The following AHCTF1 variants were observed in gnomAD, a reference collection of about 807,000 sequenced individuals.
AHCTF1 encodes protein ELYS.
AHCTF1 carries 24 observed loss-of-function variants against 248.4 expected under a neutral mutation model. The observed-to-expected ratio is 0.10, with a 90% confidence interval of 0.07 to 0.14. AHCTF1 has a LOEUF of 0.14. Among genes scored for constraint, AHCTF1 ranks in the 10% least tolerant of loss-of-function variants. The pLI is 1.00. For missense variants in AHCTF1, 2,206 were observed against 2,636.2 expected (o/e 0.84, Z 3.57); for synonymous variants, 786 against 929.8 (o/e 0.85, Z 2.81).
chr1:246,901,408 G>A (rs187579199), intron 8 of AHCTF1, among the ~76,000 whole-genome samples: 222 of 152,198 alleles, frequency 1.5e-3, no homozygotes, highest in Non-Finnish European at 2.5e-3. Flanking sequence ...AGGCCGAGGC[G>A]GGTGGATCAT....
intron 24 of AHCTF1, among the ~76,000 whole-genome samples, chr1:246,869,046 A>C (rs111986753): frequency 9.9e-5 from 15 of 150,966 alleles, no homozygotes; most frequent in East Asian, 5.8e-4. Flanking sequence ...GGGTTTCACC[A>C]TGTTGGCCAG....
At chr1:246,894,829 C>T in intron 13 of AHCTF1, 81 bp from the exon 14 acceptor site, 1 of 1,183,042 alleles carries the variant, frequency 8.5e-7, no homozygotes, top group Non-Finnish European at 1.2e-6. Context: ...AGAAGCATGG[C>T]AGACAGCACC....
intron 4 of AHCTF1, among the ~76,000 whole-genome samples, chr1:246,912,871 T>C (rs577523820): frequency 9.2e-5 from 14 of 152,320 alleles, no homozygotes; most frequent in Non-Finnish European, 1.2e-4. Context: ...GGTAATTTCA[T>C]ATTGGCTGAT....
chr1:246,931,318 C>G lies in AHCTF1; in HGVS notation c.-8+260G>C, dbSNP rs968686831. On this transcript the variant is annotated intron_variant, in intron 1 of 35. Transcript: ENST00000648844. ...CAGGACGCGAACCACCAGCGCCGCTCCGCCGCCATGTGCCGCCGCTCCTCC... is the reference window on the plus strand; with the variant it reads ...CAGGACGCGAACCACCAGCGCCGCTGCGCCGCCATGTGCCGCCGCTCCTCC... The G allele has an allele frequency of 5.8e-6, 9 of 1,546,576 alleles. No individual in the cohort carries two copies. In the African/African-American group the frequency reaches 1.2e-4, roughly 21 times the overall value.
chr1:246,877,017 T>C lies in AHCTF1; in HGVS notation c.2870A>G (p.His957Arg). Residue 957 changes from histidine (H) to arginine (R), a missense_variant, in exon 23 of 36, where the codon CAC becomes CGC. By Grantham distance (29) the His-to-Arg change is conservative. Around this residue, in one of 6 missense-constraint regions of AHCTF1, gnomAD observed 955 missense variants for 1,055.6 expected, o/e 0.90. Coordinates refer to ENST00000648844, the MANE Select transcript of AHCTF1 (RefSeq NM_001323342.2). ...CACATAATTGGCACGCTGCAAATGGTGCACTAAAAGGAATTCATGATTCTG... is the reference window on the plus strand; with the variant it reads ...CACATAATTGGCACGCTGCAAATGGCGCACTAAAAGGAATTCATGATTCTG... ...SVQNHEFLLV[H>R]HLQRANYVPA... The C allele has an allele frequency of 6.2e-7, 1 of 1,612,172 alleles. No individual in the cohort carries two copies. Among genetic ancestry groups the C allele is most frequent in the Non-Finnish European group, 8.5e-7 (1 of 1,179,966 alleles).
intron 14 of AHCTF1, among the ~76,000 whole-genome samples, chr1:246,894,142 T>C (rs990963290): frequency 1.3e-5 from 2 of 151,994 alleles, no homozygotes; most frequent in Non-Finnish European, 2.9e-5. Flanking sequence ...AAGTCAAGGC[T>C]GCACTGAGCC....
chr1:246,904,065 T>C, intron 6 of AHCTF1, 32 bp from the exon 7 acceptor site: 2 of 1,551,478 alleles, frequency 1.3e-6, no homozygotes, highest in East Asian at 4.5e-5. Context: ...ACACGCTAAA[T>C]ATATTAATAC....
chr1:246,909,551 G>A (rs573283319), intron 4 of AHCTF1, among the ~76,000 whole-genome samples: 3 of 152,172 alleles, frequency 2.0e-5, no homozygotes, highest in Admixed American at 2.0e-4. Context: ...CAGATCAACT[G>A]TCGCAGTATT....
At chr1:246,844,083 G>A (rs1186710721) in intron 33 of AHCTF1, among the ~76,000 whole-genome samples, 155 bp from the exon 34 acceptor site, 1 of 152,190 alleles carries the variant, frequency 6.6e-6, no homozygotes, top group Non-Finnish European at 1.5e-5. Flanking sequence ...ATCCATGTTG[G>A]CAGAGAAACG....
chr1:246,876,814 G>T, intron 23 of AHCTF1, 136 bp downstream of exon 23: 2 of 1,069,144 alleles, frequency 1.9e-6, no homozygotes, highest in Non-Finnish European at 1.3e-6. Context: ...TTACAGAGAT[G>T]AACTGAGGAT....
intron 25 of AHCTF1, 114 bp downstream of exon 25, chr1:246,867,546 CT>C: frequency 1.5e-6 from 2 of 1,353,958 alleles, no homozygotes; most frequent in Non-Finnish European, 1.0e-6. Flanking sequence ...AAGAGTTTTT[CT>C]TTTTTACATA....
chr1:246,900,517 TA>T, intron 8 of AHCTF1, 48 bp from the exon 9 acceptor site: 2 of 1,541,718 alleles, frequency 1.3e-6, no homozygotes, highest in South Asian at 1.2e-5. Context: ...AATCTCAAAG[TA>T]AAATCACCTC....
At chr1:246,927,314 C>G (rs973176759) in intron 1 of AHCTF1, among the ~76,000 whole-genome samples, 14 of 151,950 alleles carry the variant, frequency 9.2e-5, no homozygotes, top group Non-Finnish European at 1.8e-4. Context: ...GGTGAAACCC[C>G]GTCTCTACTA....
chr1:246,891,331 C>G (rs574902460), intron 15 of AHCTF1, among the ~76,000 whole-genome samples: 2 of 152,100 alleles, frequency 1.3e-5, no homozygotes, highest in African/African-American at 4.8e-5. Context: ...ACTTTCACCT[C>G]AGCTACACTT....
At chr1:246,915,603 T>C (rs763417553) in intron 3 of AHCTF1, among the ~76,000 whole-genome samples, 4 of 152,212 alleles carry the variant, frequency 2.6e-5, no homozygotes, top group Non-Finnish European at 4.4e-5. Flanking sequence ...GTATTCACTA[T>C]ATTTATGCTA....
rs542792961 is a variant in AHCTF1 at position 246,867,171 on chromosome 1, A to C, written c.3347+73T>G. ...TAATTTAAAAGTCTATAAAATGTTAAAGATAATTAAAAATTACAATTGTAA... is the reference window on the plus strand; with the variant it reads ...TAATTTAAAAGTCTATAAAATGTTACAGATAATTAAAAATTACAATTGTAA... On this transcript the variant is annotated intron_variant, in intron 26 of 35. Transcript: ENST00000648844. 6.9e-5 allele frequency: 51 copies of C among 742,620 alleles called. No individual in the cohort carries two copies. The African/African-American group carries it at 8.4e-4, about 12-fold the overall frequency. 46.0% of individuals were successfully genotyped at this position (742,620 alleles called of 1,614,324 possible). A position where few individuals can be genotyped will look rare whatever the true frequency, so the allele number is the denominator to read the frequency against.
At chr1:246,894,611 G>C (rs776579708) in intron 14 of AHCTF1, 48 bp downstream of exon 14, 2 of 1,405,558 alleles carry the variant, frequency 1.4e-6, no homozygotes, top group African/African-American at 2.9e-5. Context: ...ACCAAGGTTA[G>C]TATTTTAATA....
At chr1:246,846,717 T>G (rs1424275361) in intron 33 of AHCTF1, among the ~76,000 whole-genome samples, 1 of 151,964 alleles carries the variant, frequency 6.6e-6, no homozygotes, top group African/African-American at 2.4e-5. Flanking sequence ...GTTTAAGATT[T>G]TGAAATATAT....
In AHCTF1 at chr1:246,900,249, A is replaced by G; in HGVS notation, c.1251-3T>C. The G allele has an allele frequency of 3.1e-5, 49 of 1,585,978 alleles. No homozygotes were observed. Among genetic ancestry groups the G allele is most frequent in the Non-Finnish European group, 4.2e-5 (49 of 1,171,304 alleles). On this transcript the variant is annotated splice_polypyrimidine_tract_variant and splice_region_variant and intron_variant, in intron 9 of 35. Transcript: ENST00000648844. ...AATTATGTAGATATTCTCCTGACCT[A>G]AAAGAAAATTTAAAACATTACTAAG...
Sources: allele counts gnomAD v4.1 joint callset (sites outside exome capture counted in the v4.1 genomes callset), GRCh38; gene constraint gnomAD v4.1.1; regional missense constraint gnomAD v4.1.1; transcripts MANE v1.5; gene names NCBI Gene and HGNC (gene_info 2026-07-23, HGNC 2026-07-21).